WWOX: variants seen among roughly 807,000 people sequenced by gnomAD.
WWOX encodes WW domain containing oxidoreductase.
In WWOX, 69 loss-of-function variants were observed where a neutral mutation model predicts 46.2. The observed-to-expected ratio is 1.49, with a 90% CI of 1.23 to 1.82. WWOX has a LOEUF of 1.82. Among genes scored for constraint, WWOX ranks in the 40% most tolerant of loss-of-function variants. The pLI, the probability that WWOX is intolerant of heterozygous loss-of-function variation, is 0.00. For missense variants in WWOX, 919 were observed against 542.6 expected (o/e 1.69, Z -6.89); for synonymous variants, 359 against 202.6 (o/e 1.77, Z -6.56).
rs572942356 is a variant in WWOX, at chr16:78,171,852, T to A, written c.516+7563T>A. 3.9e-5 allele frequency among the ~76,000 whole-genome samples: 6 copies of A among 152,332 alleles called. No individual in the cohort carries two copies. The South Asian group carries it at 1.0e-3, about 26-fold the overall frequency. On this transcript the variant is annotated intron_variant, in intron 5 of 8. Transcript: ENST00000566780. The stretch of plus-strand genomic sequence containing the variant: ...CGCATGCTCACAAAGGAACGTAAAG[T>A]TCTGAAGTTCTTCTTTGGGGCGTTT...
At chr16:79,102,791 C>G (rs1034879910) in intron 8 of WWOX, among the ~76,000 whole-genome samples, 5 of 152,210 alleles carry the variant, frequency 3.3e-5, no homozygotes, top group Non-Finnish European at 1.5e-5. Flanking sequence ...AAGACTCTTT[C>G]TAGCTCACTC....
chr16:78,624,536 C>G (rs1295849092), intron 8 of WWOX, among the ~76,000 whole-genome samples: 2 of 152,138 alleles, frequency 1.3e-5, no homozygotes, highest in African/African-American at 4.8e-5. Flanking sequence ...CTGTGTGTTT[C>G]CTATTTTTGG....
intron 8 of WWOX, among the ~76,000 whole-genome samples, chr16:78,918,847 G>T (rs1205150301): frequency 6.6e-6 from 1 of 152,152 alleles, no homozygotes; most frequent in Non-Finnish European, 1.5e-5. Context: ...GGTCTCACAT[G>T]ATCCGTCGTT....
chr16:78,296,419 T>C (rs981218912), intron 5 of WWOX, among the ~76,000 whole-genome samples: 4 of 151,938 alleles, frequency 2.6e-5, no homozygotes, highest in African/African-American at 7.2e-5. Flanking sequence ...TCAAAGGTAA[T>C]TTCATGGTTT....
At chr16:78,233,531 T>G (rs1036343470) in intron 5 of WWOX, among the ~76,000 whole-genome samples, 39 of 150,286 alleles carry the variant, frequency 2.6e-4, no homozygotes, top group African/African-American at 9.6e-4. Context: ...TAAATTTTTT[T>G]TTTTTTTTTT....
intron 8 of WWOX, among the ~76,000 whole-genome samples, chr16:78,528,434 C>G (rs2043535940): frequency 6.6e-6 from 1 of 151,870 alleles, no homozygotes; most frequent in South Asian, 2.1e-4. Flanking sequence ...GGCTCGTATT[C>G]AAGGTGCTAA....
chr16:79,038,034 T>C (rs2047901558), intron 8 of WWOX, among the ~76,000 whole-genome samples: 2 of 152,192 alleles, frequency 1.3e-5, no homozygotes, highest in South Asian at 2.1e-4. Flanking sequence ...CCAGTTCCCC[T>C]GTACAGATTC....
intron 8 of WWOX, among the ~76,000 whole-genome samples, chr16:78,461,908 T>C (rs1417551614): frequency 6.6e-6 from 1 of 152,220 alleles, no homozygotes; most frequent in Admixed American, 6.5e-5. Flanking sequence ...AATATTGTTG[T>C]AAGACTTTTA....
chr16:79,052,508 A>C (rs1460368304), intron 8 of WWOX, among the ~76,000 whole-genome samples: 1 of 152,248 alleles, frequency 6.6e-6, no homozygotes. Flanking sequence ...CATTATTCAC[A>C]ATAGCAAAGA....
chr16:78,191,736 A>C (rs2345443), intron 5 of WWOX, among the ~76,000 whole-genome samples: 1 of 151,970 alleles, frequency 6.6e-6, no homozygotes, highest in African/African-American at 2.4e-5. Flanking sequence ...CTTATCTGAG[A>C]GGGGATTTGA....
intron 8 of WWOX, among the ~76,000 whole-genome samples, chr16:78,968,621 A>G (rs1023224369): frequency 6.6e-6 from 1 of 152,230 alleles, no homozygotes; most frequent in African/African-American, 2.4e-5. Context: ...TGAGAGGTTC[A>G]TGATGGTGAC....
intron 8 of WWOX, among the ~76,000 whole-genome samples, chr16:78,718,785 T>G (rs1227663778): frequency 6.6e-6 from 1 of 152,164 alleles, no homozygotes; most frequent in Non-Finnish European, 1.5e-5. Context: ...ACATATTTAT[T>G]GAGACACTAA....
chr16:78,720,772 ACT>A (rs2048670514), intron 8 of WWOX, among the ~76,000 whole-genome samples: 1 of 152,022 alleles, frequency 6.6e-6, no homozygotes, highest in African/African-American at 2.4e-5. Context: ...TTATTCTCAA[ACT>A]CTATTATACA....
chr16:79,206,410 G>C (rs569298012), intron 8 of WWOX: 8 of 152,340 alleles, frequency 5.3e-5, no homozygotes, highest in East Asian at 1.9e-4. Context: ...GTATGGCTTT[G>C]GACGAGTTGC....
chr16:78,398,239 C>G (rs1046111927), intron 6 of WWOX, among the ~76,000 whole-genome samples: 2 of 152,276 alleles, frequency 1.3e-5, no homozygotes, highest in South Asian at 2.1e-4. Flanking sequence ...CCTGCTGTGG[C>G]CCACCCAGGC....
intron 8 of WWOX, among the ~76,000 whole-genome samples, chr16:79,011,135 CCACA>C (rs10611855): frequency 0.021 from 3,038 of 146,270 alleles, 92 homozygotes; most frequent in African/African-American, 0.062. Context: ...ACTCACACAT[CCACA>C]CACACACACA....
intron 8 of WWOX, among the ~76,000 whole-genome samples, chr16:78,454,024 G>A (rs12051227): frequency 0.055 from 8,319 of 152,140 alleles, 643 homozygotes; most frequent in African/African-American, 0.17. Context: ...GGTGATTTCA[G>A]TGAGAAATAT....
At chr16:78,210,299 G>A (rs900425530) in intron 5 of WWOX, among the ~76,000 whole-genome samples, 1 of 152,144 alleles carries the variant, frequency 6.6e-6, no homozygotes, top group African/African-American at 2.4e-5. Context: ...TATTTAACAG[G>A]GAAGCATCGG....
intron 8 of WWOX, among the ~76,000 whole-genome samples, chr16:79,047,336 G>C (rs1179877426): frequency 6.6e-6 from 1 of 152,208 alleles, no homozygotes; most frequent in African/African-American, 2.4e-5. Context: ...CCGCAATGCT[G>C]AAAAGCTTAT....
Sources: gnomAD v4.1 joint callset for allele counts (sites outside exome capture counted in the v4.1 genomes callset) on GRCh38, gnomAD v4.1.1 for gene constraint, MANE v1.5 for transcripts, NCBI Gene and HGNC (gene_info 2026-07-23, HGNC 2026-07-21) for gene names.